The following MORC3 variants were observed in gnomAD, a reference collection of about 807,000 sequenced individuals.
MORC3 encodes MORC family CW-type zinc finger protein 3.
A neutral mutation model predicts 109.1 loss-of-function variants in MORC3; 31 were observed. That is an observed-to-expected ratio of 0.28 (90% CI 0.21 to 0.38). MORC3 has a LOEUF of 0.38. Ranked by LOEUF, MORC3 falls within the 10% of genes least tolerant of loss-of-function variation. MORC3 has a pLI of 1.00. For synonymous variants in MORC3, 395 were observed against 380.7 expected (o/e 1.04, Z -0.44); for missense variants, 867 against 1,135.8 (o/e 0.76, Z 3.40).
chr21:36,341,294 G>C (rs1601520424), intron 5 of MORC3, 105 bp from the exon 6 acceptor site: 1 of 1,079,770 alleles, frequency 9.3e-7, no homozygotes, highest in East Asian at 2.5e-5. Context: ...CGTGCACCAT[G>C]TGTAGGTTTA....
intron 1 of MORC3, among the ~76,000 whole-genome samples, chr21:36,330,574 C>G (rs562857953): frequency 2.4e-4 from 37 of 152,330 alleles, no homozygotes; most frequent in African/African-American, 8.4e-4. Context: ...GTTCTCAGGA[C>G]CACCTGAGGG....
At chr21:36,328,735 C>T (rs1292791111) in intron 1 of MORC3, among the ~76,000 whole-genome samples, 2 of 151,906 alleles carry the variant, frequency 1.3e-5, no homozygotes, top group African/African-American at 4.8e-5. Context: ...CCTCAGCCTC[C>T]CAAAGTGCTG....
At position 36,345,085 on chromosome 21, in the gene MORC3, G is replaced by A. The variant is rs1235163716; in HGVS notation, c.1005+54G>A. The A allele has an allele frequency of 6.0e-6, 9 of 1,490,496 alleles. No homozygotes were observed. In the African/African-American group the frequency reaches 1.3e-4, roughly 21 times the overall value. 92.3% of individuals were successfully genotyped at this position (1,490,496 alleles called of 1,614,324 possible). The stretch of plus-strand genomic sequence containing the variant: ...AATGTCTATTTTCCACAAAAGTTAG[G>A]ATAATATATGCTCTTGAGTCAAATG... On this transcript the variant is annotated intron_variant, in intron 8 of 16. Coordinates refer to ENST00000400485, the MANE Select transcript of MORC3 (RefSeq NM_015358.3).
intron 6 of MORC3, among the ~76,000 whole-genome samples, chr21:36,342,452 G>C (rs1463654035): frequency 6.6e-6 from 1 of 151,944 alleles, no homozygotes; most frequent in Non-Finnish European, 1.5e-5. Flanking sequence ...ACCCAGGCTG[G>C]AGTGCAGCGG....
chr21:36,328,415 C>T (rs1201912242), intron 1 of MORC3, among the ~76,000 whole-genome samples: 1 of 150,918 alleles, frequency 6.6e-6, no homozygotes, highest in African/African-American at 2.4e-5. Flanking sequence ...GCAGTGGCGC[C>T]ATCGCAGTCT....
At position 36,338,844 on chromosome 21, in the gene MORC3, G is replaced by A. The variant is rs572140631; in HGVS notation, c.531G>A (p.Thr177=). 10 of 1,613,812 alleles carry A rather than the reference G, an allele frequency of 6.2e-6. No individual in the cohort carries two copies. Among genetic ancestry groups the A allele is most frequent in the South Asian group, 2.2e-5 (2 of 91,068 alleles). ...TTCTGGAACATTCTCTGTTTTCCAC[G>A]GAACAGAAGTTACTGGCAGAACTTG... ...AAILEHSLFS[T]EQKLLAELDA... Residue 177 remains threonine (T), a synonymous_variant, in exon 5 of 17, where the codon ACG becomes ACA. Coordinates refer to ENST00000400485, the MANE Select transcript of MORC3 (RefSeq NM_015358.3).
chr21:36,341,457 G>A lies in MORC3; in HGVS notation c.667G>A (p.Glu223Lys), dbSNP rs1162450733. Residue 223 changes from glutamate (E) to lysine (K), a missense_variant, in exon 6 of 17, where the codon GAG becomes AAG. This residue lies in a region of MORC3 where 134 missense variants were observed against 166.6 expected (regional missense o/e 0.80). Coordinates refer to ENST00000400485, the MANE Select transcript of MORC3 (RefSeq NM_015358.3). The part of the protein sequence containing the change: ...EKDKYDIRIP[E>K]DLDEITGKKG... The stretch of plus-strand genomic sequence containing the variant: ...GGATAAATATGATATCAGAATTCCC[G>A]AGGATTTAGATGAGATAACAGGGAA... The A allele has an allele frequency of 4.3e-6, 7 of 1,613,464 alleles. No homozygotes were observed. Among genetic ancestry groups the A allele is most frequent in the Non-Finnish European group, 5.9e-6 (7 of 1,179,880 alleles).
chr21:36,325,182 C>T (rs2085235572), intron 1 of MORC3, among the ~76,000 whole-genome samples: 1 of 151,904 alleles, frequency 6.6e-6, no homozygotes, highest in Non-Finnish European at 1.5e-5. Flanking sequence ...AACTGTTGGA[C>T]CATAAGTATA....
intron 1 of MORC3, among the ~76,000 whole-genome samples, chr21:36,323,607 C>T (rs187842611): frequency 2.1e-3 from 318 of 152,212 alleles, no homozygotes; most frequent in African/African-American, 7.0e-3. Context: ...TCATGCTACC[C>T]TTGCTCTTTC....
At position 36,372,445 on chromosome 21, in the gene MORC3, G is replaced by C. The variant is rs765086178; in HGVS notation, c.2580G>C (p.Gln860His). Reference sequence around the variant, plus strand: ...AAGAACTCAAAACTGAAGTAGAACAGTTAAAATCTACAAATCAACAGACGG... The same window carrying C: ...AAGAACTCAAAACTGAAGTAGAACACTTAAAATCTACAAATCAACAGACGG... The part of the protein sequence containing the change: ...QCEELKTEVE[Q>H]LKSTNQQTAT... Residue 860 changes from glutamine to histidine, a missense_variant, in exon 16 of 17, where the codon CAG (glutamine) becomes CAC (histidine). Gln to His is a conservative substitution (Grantham distance 24, BLOSUM62 0). Coordinates refer to ENST00000400485, the MANE Select transcript of MORC3 (RefSeq NM_015358.3). 18 of 1,608,032 alleles carry C rather than the reference G, an allele frequency of 1.1e-5. No homozygotes were observed. Among genetic ancestry groups the C allele is most frequent in the Non-Finnish European group, 1.4e-5 (16 of 1,178,906 alleles).
intron 8 of MORC3, among the ~76,000 whole-genome samples, 185 bp downstream of exon 8, chr21:36,345,216 C>A (rs1438244227): frequency 1.3e-5 from 2 of 151,316 alleles, no homozygotes; most frequent in Non-Finnish European, 2.9e-5. Context: ...CCTCCCCTCC[C>A]TTCCCCTCCC....
In MORC3 at chr21:36,328,820, A is replaced by G. The variant is rs191715149; in HGVS notation, c.40-4826A>G. On this transcript the variant is annotated intron_variant, in intron 1 of 16. Coordinates refer to ENST00000400485, the MANE Select transcript of MORC3 (RefSeq NM_015358.3). ...GTATCTTTTAGCTTCCCTGGGCCAC[A>G]TTGGAAGAATTGTCTTGGGCCACAT... is the stretch of plus-strand genomic sequence containing the variant. Among the ~76,000 whole-genome samples, 179 of 150,946 alleles carry G rather than the reference A, an allele frequency of 1.2e-3. 1 individual carries two copies. Among genetic ancestry groups the G allele is most frequent in the Non-Finnish European group, 2.1e-3 (141 of 67,782 alleles).
intron 16 of MORC3, 118 bp downstream of exon 16, chr21:36,372,649 T>A: frequency 9.6e-7 from 1 of 1,039,534 alleles, no homozygotes; most frequent in Non-Finnish European, 1.3e-6. Context: ...ATTGATGGTC[T>A]GCTGTGACCC....
chr21:36,373,623 C>CA (rs924131996), intron 16 of MORC3, among the ~76,000 whole-genome samples: 212 of 117,318 alleles, frequency 1.8e-3, no homozygotes, highest in Middle Eastern at 4.3e-3. Flanking sequence ...AACTCCGTCT[C>CA]AAAAAAAAAA....
rs550660329 is a variant in MORC3 at position 36,362,271 on chromosome 21, G to T, written c.1452+43G>T. 3.2e-6 allele frequency: 5 copies of T among 1,557,488 alleles called. No homozygotes were observed. The African/African-American group carries it at 4.2e-5, about 13-fold the overall frequency. On this transcript the variant is annotated intron_variant, in intron 13 of 16. Transcript: ENST00000400485. The stretch of plus-strand genomic sequence containing the variant: ...TTTTTTTTTTTTTTTAAATAGAGAT[G>T]GGGGCTGACACCCGTAATCCCAGCA...
In MORC3 at chr21:36,326,481, C is replaced by T. The variant is rs375243206; in HGVS notation, c.39+6178C>T. On this transcript the variant is annotated intron_variant, in intron 1 of 16. Coordinates refer to ENST00000400485, the MANE Select transcript of MORC3 (RefSeq NM_015358.3). ...TGAAAGTTGCAGTGAGCCACACCAC[C>T]GCACTCCAGCCTGGACAACAGAGCA... Among the ~76,000 whole-genome samples the T allele has an allele frequency of 4.6e-5, 7 of 152,034 alleles. No homozygotes were observed. In the South Asian group the frequency reaches 1.2e-3, roughly 27 times the overall value.
intron 9 of MORC3, among the ~76,000 whole-genome samples, chr21:36,350,717 A>G (rs528958021): frequency 1.7e-4 from 26 of 152,302 alleles, no homozygotes; most frequent in African/African-American, 5.5e-4. Context: ...GATAGCACAA[A>G]TAAATTTTCT....
intron 9 of MORC3, among the ~76,000 whole-genome samples, chr21:36,354,220 C>T (rs915594911): frequency 2.0e-5 from 3 of 151,542 alleles, no homozygotes; most frequent in African/African-American, 4.9e-5. Flanking sequence ...TGCCATGGCA[C>T]GAGAAGAGGT....
chr21:36,322,359 G>A (rs1040283238), intron 1 of MORC3, among the ~76,000 whole-genome samples: 1 of 151,492 alleles, frequency 6.6e-6, no homozygotes, highest in African/African-American at 2.4e-5. Flanking sequence ...AACCCTTAGT[G>A]TATACACTTT....
Sources: gnomAD v4.1 joint callset for allele counts (sites outside exome capture counted in the v4.1 genomes callset) on GRCh38, gnomAD v4.1.1 for gene constraint, gnomAD v4.1.1 regional missense constraint, MANE v1.5 for transcripts, NCBI Gene and HGNC (gene_info 2026-07-23, HGNC 2026-07-21) for gene names.